Variants in PIK3CD observed in about 807,000 individuals in gnomAD.
PIK3CD encodes phosphatidylinositol-4,5-bisphosphate 3-kinase catalytic subunit delta.
Under a neutral mutation model 122.9 loss-of-function variants are expected in PIK3CD, and 20 were observed. The observed-to-expected ratio is 0.16, with a 90% CI of 0.11 to 0.24. The LOEUF (loss-of-function observed/expected upper bound fraction) is 0.24, where lower values mean the gene tolerates loss of function less well. Among genes scored for constraint, PIK3CD ranks in the 10% least tolerant of loss-of-function variants. The probability of loss-of-function intolerance (pLI) is 1.00; values close to 1 mark genes in which losing one functional copy is unlikely to be tolerated. For synonymous variants in PIK3CD, 596 were observed against 593.4 expected, an observed-to-expected ratio of 1.00 and a Z score of -0.06; for missense variants, 787 against 1,406.3, an observed-to-expected ratio of 0.56 and a Z score of 7.04.
chr1:9,726,833 A>G (rs1174540849), intron 23 of PIK3CD, 76 bp from the exon 24 acceptor site: 40 of 1,568,958 alleles, frequency 2.5e-5, no homozygotes, highest in Non-Finnish European at 3.3e-5. Context: ...GTGACTCTGA[A>G]GTCCCCAGAG....
chr1:9,698,443 T>C (rs2100587576), intron 2 of PIK3CD, among the ~76,000 whole-genome samples: 1 of 152,332 alleles, frequency 6.6e-6, no homozygotes, highest in South Asian at 2.1e-4. Flanking sequence ...TGGCTGGCCT[T>C]TCTATGCTTT....
chr1:9,648,033 T>C (rs1269251039), upstream of PIK3CD, among the ~76,000 whole-genome samples: 1 of 152,236 alleles, frequency 6.6e-6, no homozygotes, highest in Non-Finnish European at 1.5e-5. Flanking sequence ...TCATTTACCA[T>C]GAATGACTCC....
Position 9,652,594 on chromosome 1 carries a change from C to T in PIK3CD, c.-138+792C>T, listed in dbSNP as rs944421920. On this transcript the variant is annotated intron_variant, in intron 1 of 23. Transcript: ENST00000377346. The surrounding 1 kb of genome is among the most constrained non-coding windows in gnomAD (Gnocchi z 6.2). ...GACTTTTTAAAAAAATACTCTTACC[C>T]GTAATTCAGCCTGAATGAGGCTTTT... 2 of 152,268 alleles carry T rather than the reference C, an allele frequency of 1.3e-5. No homozygotes were observed. Among genetic ancestry groups the T allele is most frequent in the South Asian group, 4.1e-4 (2 of 4,834 alleles). 9.4% of individuals were successfully genotyped at this position (152,268 alleles called of 1,614,324 possible). A position where few individuals can be genotyped will look rare whatever the true frequency, so the allele number is the denominator to read the frequency against.
the PIK3CD span, among the ~76,000 whole-genome samples, chr1:9,638,107 A>AAAAT: frequency 0.01 from 1,532 of 151,654 alleles, 17 homozygotes; most frequent in African/African-American, 0.021. Flanking sequence ...ACTCTGTCTC[A>AAAAT]AAATAAATAA....
At chr1:9,640,452 C>T in the PIK3CD span, among the ~76,000 whole-genome samples, 1 of 150,626 alleles carries the variant, frequency 6.6e-6, no homozygotes, top group African/African-American at 2.5e-5. Flanking sequence ...TGGTGGTGGG[C>T]GCCTGTAATC....
intron 1 of PIK3CD, among the ~76,000 whole-genome samples, chr1:9,661,722 C>T (rs747020024): frequency 1.3e-5 from 2 of 151,536 alleles, no homozygotes; most frequent in East Asian, 2.0e-4. Context: ...ATTGGCCGGG[C>T]GCGGTGGCTC....
At chr1:9,655,251 G>C (rs1315444490) in intron 1 of PIK3CD, among the ~76,000 whole-genome samples, 2 of 151,992 alleles carry the variant, frequency 1.3e-5, no homozygotes, top group Non-Finnish European at 2.9e-5. Context: ...TTGTTTGAAA[G>C]GGAGGAAAAT....
chr1:9,680,840 T>C (rs1416046349), intron 1 of PIK3CD: 4 of 152,222 alleles, frequency 2.6e-5, no homozygotes, highest in Non-Finnish European at 4.4e-5. Context: ...CGCCAACACT[T>C]GGCAGACTGA....
At position 9,724,302 on chromosome 1, in the gene PIK3CD, T is replaced by C. The variant is rs768710822; in HGVS notation, c.2745T>C (p.Phe915=). ...TGTTCCACATTGATTTTGGCCACTT[T>C]CTGGGGAATTTCAAGACCAAGTTTG... is the stretch of plus-strand genomic sequence containing the variant. The part of the protein sequence containing the change: ...GQLFHIDFGH[F]LGNFKTKFGI... Residue 915 remains phenylalanine (F), a synonymous_variant, in exon 22 of 24, where the codon TTT becomes TTC. Transcript: ENST00000377346. This position sits in a 1 kb window ranked among gnomAD's most constrained non-coding sequence, Gnocchi z 7.3. The C allele has an allele frequency of 1.1e-5, 18 of 1,614,190 alleles. No homozygotes were observed. In the Admixed American group the frequency reaches 2.5e-4, roughly 22 times the overall value.
Position 9,718,109 on chromosome 1 carries a change from C to T in PIK3CD, c.1020+483C>T. The T allele has an allele frequency of 2.1e-6, 1 of 465,348 alleles. No individual in the cohort carries two copies. The highest frequency in any genetic ancestry group is 1.5e-5 in the South Asian group (1 of 64,650). The allele number at this position is 465,348 out of a possible 1,614,324, so 28.8% of individuals were successfully genotyped here. On this transcript the variant is annotated intron_variant, in intron 8 of 23. Coordinates refer to ENST00000377346, the MANE Select transcript of PIK3CD (RefSeq NM_005026.5). The surrounding 1 kb of genome is among the most constrained non-coding windows in gnomAD (Gnocchi z 7.2). ...ACGCTCCATCGCAACAGCCTGCAGT[C>T]ATGGGCTTTATTGTCCTGTTTGCTG...
chr1:9,694,474 C>T (rs560307975), intron 2 of PIK3CD, among the ~76,000 whole-genome samples: 25 of 152,078 alleles, frequency 1.6e-4, no homozygotes, highest in South Asian at 2.1e-4. Context: ...GTGGAGGTTG[C>T]GGTGAGCCAA....
chr1:9,724,982 C>A lies in PIK3CD; in HGVS notation c.2997+46C>A. ...TGCTGTCGCCAGTGGACTTCCAAGG[C>A]CTGCCCCCGAGCAATGTGACCTAGG... is the stretch of plus-strand genomic sequence containing the variant. On this transcript the variant is annotated intron_variant, in intron 23 of 23. Transcript: ENST00000377346. This position sits in a 1 kb window ranked among gnomAD's most constrained non-coding sequence, Gnocchi z 7.3. The A allele has an allele frequency of 6.2e-7, 1 of 1,610,042 alleles. No individual in the cohort carries two copies. Among genetic ancestry groups the A allele is most frequent in the Non-Finnish European group, 8.5e-7 (1 of 1,178,920 alleles).
At chr1:9,663,241 C>T (rs1157663871) in intron 1 of PIK3CD, among the ~76,000 whole-genome samples, 1 of 152,244 alleles carries the variant, frequency 6.6e-6, no homozygotes, top group African/African-American at 2.4e-5. Flanking sequence ...CTACCAGCCT[C>T]AGTTTCACTT....
Position 9,719,210 on chromosome 1 carries a change from C to G in PIK3CD, c.1242+295C>G, listed in dbSNP as rs1648069440. Among the ~76,000 whole-genome samples, 2 of 152,230 alleles carry G rather than the reference C, an allele frequency of 1.3e-5. No individual in the cohort carries two copies. Among genetic ancestry groups the G allele is most frequent in the Admixed American group, 1.3e-4 (2 of 15,288 alleles). ...GATGGAAGGACAAGCACAGTGTCAT[C>G]CCTGGAGCAGAAAAGCCTGAGTCAG... On this transcript the variant is annotated intron_variant, in intron 9 of 23. Transcript: ENST00000377346. The surrounding 1 kb of genome is among the most constrained non-coding windows in gnomAD (Gnocchi z 5.5).
chr1:9,683,698 C>T (rs1645858994), intron 1 of PIK3CD, among the ~76,000 whole-genome samples: 1 of 152,046 alleles, frequency 6.6e-6, no homozygotes, highest in African/African-American at 2.4e-5. Flanking sequence ...ACAGCCTGTC[C>T]CAAGCTCAGC....
chr1:9,685,836 C>T (rs879667479), intron 1 of PIK3CD, among the ~76,000 whole-genome samples: 6 of 152,156 alleles, frequency 3.9e-5, no homozygotes, highest in African/African-American at 7.2e-5. Flanking sequence ...CAACTACAGG[C>T]GCCCTCAGTC....
At chr1:9,656,309 G>T (rs1202704975) in intron 1 of PIK3CD, among the ~76,000 whole-genome samples, 1 of 152,154 alleles carries the variant, frequency 6.6e-6, no homozygotes, top group Non-Finnish European at 1.5e-5. Context: ...CTTACCAACT[G>T]ACCATTCCAA....
intron 5 of PIK3CD, 89 bp from the exon 6 acceptor site, chr1:9,716,351 C>T: frequency 7.7e-7 from 1 of 1,293,760 alleles, no homozygotes; most frequent in Non-Finnish European, 1.1e-6. Context: ...CCAGACCCTA[C>T]CCTTGGGGGC....
At chr1:9,708,368 G>A (rs1646924091) in intron 2 of PIK3CD, among the ~76,000 whole-genome samples, 2 of 151,860 alleles carry the variant, frequency 1.3e-5, no homozygotes, top group South Asian at 4.1e-4. Context: ...TTTTAGTGGA[G>A]ACAGGATTTT....
Sources: gnomAD v4.1 joint callset for allele counts (sites outside exome capture counted in the v4.1 genomes callset) on GRCh38, gnomAD v4.1.1 for gene constraint, Gnocchi (gnomAD v3.1) non-coding constraint, MANE v1.5 for transcripts, NCBI Gene and HGNC (gene_info 2026-07-23, HGNC 2026-07-21) for gene names.